NBAS: variants seen among roughly 807,000 people sequenced by gnomAD.
NBAS encodes NAG/BC035112 fusion.
Under a neutral mutation model 302.5 loss-of-function variants are expected in NBAS, and 219 were observed. The observed-to-expected ratio is 0.72, with a 90% CI of 0.65 to 0.81. The LOEUF (loss-of-function observed/expected upper bound fraction) is 0.81, where lower values mean the gene tolerates loss of function less well. NBAS is among the 30% of genes least tolerant of loss of function. NBAS has a pLI of 0.00. For synonymous variants in NBAS, 1,118 were observed against 1,021.6 expected (o/e 1.09, Z -1.80); for missense variants, 2,932 against 2,841.6 (o/e 1.03, Z -0.72).
intron 28 of NBAS, among the ~76,000 whole-genome samples, chr2:15,386,403 C>G (rs1675297516): frequency 6.6e-6 from 1 of 152,188 alleles, no homozygotes; most frequent in Non-Finnish European, 1.5e-5. Flanking sequence ...AACTGAATCT[C>G]TAAATCCTAA....
the NBAS span, among the ~76,000 whole-genome samples, chr2:14,892,768 A>C: frequency 6.6e-6 from 1 of 151,980 alleles, no homozygotes; most frequent in Non-Finnish European, 1.5e-5. Context: ...TTTCTGGGAT[A>C]AACCTGTTTG....
At chr2:15,258,556 G>A (rs1003662674) in intron 44 of NBAS, among the ~76,000 whole-genome samples, 1 of 152,118 alleles carries the variant, frequency 6.6e-6, no homozygotes, top group Non-Finnish European at 1.5e-5. Context: ...CTCTGGGAGT[G>A]TCTGTCCTAC....
At chr2:15,184,122 T>C (rs944121022) in intron 50 of NBAS, among the ~76,000 whole-genome samples, 1 of 152,178 alleles carries the variant, frequency 6.6e-6, no homozygotes, top group African/African-American at 2.4e-5. Flanking sequence ...ATGTAAAATG[T>C]AAATGGAATG....
chr2:15,047,973 A>C, the NBAS span, among the ~76,000 whole-genome samples: 1 of 152,276 alleles, frequency 6.6e-6, no homozygotes, highest in Non-Finnish European at 1.5e-5. Context: ...CCTGGCTCAC[A>C]GTATGAAATC....
At chr2:14,976,240 T>C in the NBAS span, among the ~76,000 whole-genome samples, 1 of 152,200 alleles carries the variant, frequency 6.6e-6, no homozygotes, top group Non-Finnish European at 1.5e-5. Context: ...TAAAGAATAG[T>C]AGTCTGGTTG....
At chr2:15,245,152 C>T (rs932933795) in intron 44 of NBAS, among the ~76,000 whole-genome samples, 22 of 152,174 alleles carry the variant, frequency 1.4e-4, no homozygotes, top group Non-Finnish European at 2.8e-4. Context: ...TGCTCAAATC[C>T]GTGTAATGGC....
intron 3 of NBAS, 123 bp downstream of exon 3, chr2:15,556,660 G>A: frequency 1.1e-6 from 1 of 884,036 alleles, no homozygotes; most frequent in Non-Finnish European, 1.9e-6. Context: ...CTCATACTGA[G>A]TTTGCCTGAA....
chr2:14,976,902 C>T, the NBAS span, among the ~76,000 whole-genome samples: 3 of 152,188 alleles, frequency 2.0e-5, no homozygotes, highest in Non-Finnish European at 1.5e-5. Flanking sequence ...GAGTGCAGCC[C>T]TGCCAACAGC....
chr2:14,848,385 G>A, the NBAS span, among the ~76,000 whole-genome samples: 39 of 139,870 alleles, frequency 2.8e-4, 2 homozygotes, highest in African/African-American at 8.2e-4. Flanking sequence ...TAAAAACGGC[G>A]CACCACGAGA....
chr2:15,292,414 A>G, intron 41 of NBAS, 123 bp downstream of exon 41: 1 of 981,030 alleles, frequency 1.0e-6, no homozygotes, highest in Non-Finnish European at 1.6e-6. Flanking sequence ...AGTTGGGGAA[A>G]GCCCTATTCA....
At chr2:14,787,417 C>T in the NBAS span, among the ~76,000 whole-genome samples, 23 of 152,266 alleles carry the variant, frequency 1.5e-4, no homozygotes, top group East Asian at 2.9e-3. Flanking sequence ...TTCCTAGCCT[C>T]GATGGTCTTT....
the NBAS span, among the ~76,000 whole-genome samples, chr2:15,139,134 C>T: frequency 6.6e-6 from 1 of 152,202 alleles, no homozygotes; most frequent in East Asian, 1.9e-4. Flanking sequence ...CACAGGGAGG[C>T]TCCAACCCCA....
chr2:15,476,508 G>A (rs1390549952), intron 13 of NBAS, among the ~76,000 whole-genome samples: 1 of 152,070 alleles, frequency 6.6e-6, no homozygotes, highest in Non-Finnish European at 1.5e-5. Flanking sequence ...AGACCACAAG[G>A]TCAGGAGTTC....
At chr2:15,046,866 G>A in the NBAS span, among the ~76,000 whole-genome samples, 54 of 152,260 alleles carry the variant, frequency 3.5e-4, no homozygotes, top group Non-Finnish European at 6.5e-4. Context: ...GTTTCAGAGA[G>A]GCAGCATGGA....
chr2:15,456,660 G>A (rs1679260731), intron 21 of NBAS, among the ~76,000 whole-genome samples: 1 of 152,182 alleles, frequency 6.6e-6, no homozygotes, highest in Non-Finnish European at 1.5e-5. Flanking sequence ...GATAAGGATG[G>A]AAACAAAACA....
At chr2:15,543,192 C>T (rs1443617057) in intron 6 of NBAS, among the ~76,000 whole-genome samples, 4 of 152,192 alleles carry the variant, frequency 2.6e-5, no homozygotes. Context: ...CTCATATTTT[C>T]ATCAGCTGTA....
intron 41 of NBAS, among the ~76,000 whole-genome samples, chr2:15,288,134 C>T (rs565059116): frequency 1.3e-5 from 2 of 152,346 alleles, no homozygotes; most frequent in African/African-American, 4.8e-5. Context: ...GATAGTGCAT[C>T]CCTGGTCTAG....
At chr2:14,985,309 C>T in the NBAS span, among the ~76,000 whole-genome samples, 5 of 152,100 alleles carry the variant, frequency 3.3e-5, no homozygotes, top group Non-Finnish European at 7.4e-5. Flanking sequence ...GTCAGTCCTG[C>T]CCAGGTTAAA....
At chr2:14,962,765 C>T in the NBAS span, among the ~76,000 whole-genome samples, 1 of 152,054 alleles carries the variant, frequency 6.6e-6, no homozygotes, top group Admixed American at 6.6e-5. Context: ...AGACTTACCC[C>T]TACTTTTCAC....
Sources: allele counts gnomAD v4.1 joint callset (sites outside exome capture counted in the v4.1 genomes callset), GRCh38; gene constraint gnomAD v4.1.1; transcripts MANE v1.5; gene names NCBI Gene and HGNC (gene_info 2026-07-23, HGNC 2026-07-21).